EARS2: variants seen among roughly 807,000 people sequenced by gnomAD.
EARS2 encodes the protein glutamyl-tRNA synthetase 2, mitochondrial, also known as nondiscriminating glutamyl-tRNA synthetase EARS2, mitochondrial.
Under a neutral mutation model 54.1 loss-of-function variants are expected in EARS2, and 50 were observed. The ratio of observed to expected loss-of-function variants is 0.92; its 90% confidence interval spans 0.74 to 1.17. The LOEUF (loss-of-function observed/expected upper bound fraction) is 1.17, where lower values mean the gene tolerates loss of function less well. Ranked by LOEUF, EARS2 falls within the 50% of genes most tolerant of loss-of-function variation. The pLI is 0.00. For missense variants in EARS2, 673 were observed against 675.0 expected (o/e 1.00, Z 0.03); for synonymous variants, 298 against 281.0 (o/e 1.06, Z -0.61).
chr16:23,544,453 G>A (rs1485958483), intron 3 of EARS2, 61 bp downstream of exon 3: 3 of 1,516,050 alleles, frequency 2.0e-6, no homozygotes, highest in South Asian at 2.5e-5. Context: ...TTCTTACGCA[G>A]CACAAGGTAA....
At chr16:23,530,456 T>G (rs1171142001) in intron 5 of EARS2, among the ~76,000 whole-genome samples, 1 of 152,108 alleles carries the variant, frequency 6.6e-6, no homozygotes, top group East Asian at 1.9e-4. Context: ...CCTTTTATTT[T>G]TATTTATTTA....
chr16:23,546,542 CTA>C (rs1290831292), intron 2 of EARS2: 2 of 425,244 alleles, frequency 4.7e-6, no homozygotes, highest in Non-Finnish European at 4.7e-6. Flanking sequence ...CCGGTGCTCT[CTA>C]TGCTTTGGTA....
chr16:23,556,749 C>CT, intron 1 of EARS2: 2 of 383,476 alleles, frequency 5.2e-6, no homozygotes, highest in South Asian at 4.0e-5. Context: ...GTAAAGCCTT[C>CT]TGGAGCGTCC....
chr16:23,552,154 C>T lies in EARS2; in HGVS notation c.290G>A (p.Trp97Ter). 3.1e-6 allele frequency: 5 copies of T among 1,613,388 alleles called. No homozygotes were observed. The highest frequency in any genetic ancestry group is 4.2e-6 in the Non-Finnish European group (5 of 1,179,456). ...CCTTTCTCTGCCAGGCTTACCTGCC[C>T]ACTCCAGCATGTCCTCAATATTCTC... ...AAENIEDMLE[W>*]AGIPPDESPR... Residue 97 changes from tryptophan (W) to a stop codon, truncating the protein, a stop_gained, in exon 2 of 9, where the codon TGG (tryptophan) becomes TAG (stop). Coordinates refer to ENST00000449606, the MANE Select transcript of EARS2 (RefSeq NM_001083614.2). LOFTEE classifies it high-confidence loss of function.
rs536302020 is a variant in EARS2 at position 23,548,272 on chromosome 16, T to A, written c.296-3569A>T. Among the ~76,000 whole-genome samples the A allele has an allele frequency of 8.9e-5, 13 of 146,602 alleles. No individual in the cohort carries two copies. In the South Asian group the frequency reaches 2.1e-3, roughly 24 times the overall value. ...ATAAATAAATAAATAAATAAATAAATAAAATGAAAAAAATTAAAAAAGAAA... is the reference window on the plus strand; with the variant it reads ...ATAAATAAATAAATAAATAAATAAAAAAAATGAAAAAAATTAAAAAAGAAA... On this transcript the variant is annotated intron_variant, in intron 2 of 8. Transcript: ENST00000449606.
At chr16:23,547,518 T>C (rs934701635) in intron 2 of EARS2, among the ~76,000 whole-genome samples, 3 of 152,108 alleles carry the variant, frequency 2.0e-5, no homozygotes, top group Non-Finnish European at 2.9e-5. Flanking sequence ...CATTTTTTTT[T>C]CCCCGAAGAC....
chr16:23,521,837 TAGAAAC>T lies in EARS2; in HGVS notation c.*2528_*2533del. The T allele has an allele frequency of 2.2e-6, 1 of 455,938 alleles. No individual in the cohort carries two copies. Among genetic ancestry groups the T allele is most frequent in the Non-Finnish European group, 4.4e-6 (1 of 226,794 alleles). The allele number at this position is 455,938 out of a possible 1,614,324, so 28.2% of individuals were successfully genotyped here. ...CTCCTTTTAACCATTCTTAATGTCTTAGAAACAGATGCTCTGACAACACTCAGTAGA... is the reference window on the plus strand; with the variant it reads ...CTCCTTTTAACCATTCTTAATGTCTTAGATGCTCTGACAACACTCAGTAGA... On this transcript the variant is annotated 3_prime_UTR_variant, in exon 9 of 9. Transcript: ENST00000449606.
At chr16:23,542,393 C>A (rs574019459) in intron 3 of EARS2, among the ~76,000 whole-genome samples, 181 of 134,040 alleles carry the variant, frequency 1.4e-3, no homozygotes, top group African/African-American at 4.9e-3. Flanking sequence ...TCTTGGCTCA[C>A]TGCAACCTCC....
At position 23,536,485 on chromosome 16, in the gene EARS2, T is replaced by C. The variant is rs182876264; in HGVS notation, c.486-1125A>G. 3.9e-5 allele frequency among the ~76,000 whole-genome samples: 6 copies of C among 151,988 alleles called. No individual in the cohort carries two copies. The East Asian group carries it at 1.2e-3, about 30-fold the overall frequency. On this transcript the variant is annotated intron_variant, in intron 3 of 8. Coordinates refer to ENST00000449606, the MANE Select transcript of EARS2 (RefSeq NM_001083614.2). Reference sequence around the variant, plus strand: ...CAGCCTGGGCAACATAGTGAGACTCTGTCTCTACAAAACAAAACAAAACAA... The same window carrying C: ...CAGCCTGGGCAACATAGTGAGACTCCGTCTCTACAAAACAAAACAAAACAA...
chr16:23,557,076 C>G, intron 1 of EARS2, 129 bp downstream of exon 1: 1 of 1,374,064 alleles, frequency 7.3e-7, no homozygotes, highest in Non-Finnish European at 9.7e-7. Context: ...GTAAAATGGG[C>G]TCGCGCTGCC....
At chr16:23,556,139 C>T (rs1965777578) in intron 1 of EARS2, among the ~76,000 whole-genome samples, 1 of 152,196 alleles carries the variant, frequency 6.6e-6, no homozygotes, top group Non-Finnish European at 1.5e-5. Flanking sequence ...TGGGATTTTA[C>T]TACAAAGATC....
chr16:23,528,569 G>A (rs540409792), intron 7 of EARS2, among the ~76,000 whole-genome samples: 1 of 152,334 alleles, frequency 6.6e-6, no homozygotes, highest in South Asian at 2.1e-4. Context: ...TCATGGTGGA[G>A]ACAGGCAGTT....
At chr16:23,555,097 T>C (rs1274418000) in intron 1 of EARS2, among the ~76,000 whole-genome samples, 1 of 152,212 alleles carries the variant, frequency 6.6e-6, no homozygotes, top group African/African-American at 2.4e-5. Flanking sequence ...CCTTACTAAG[T>C]GGTTCGGCTG....
rs995912366 is a variant in EARS2, at chr16:23,524,156, C to G, written c.*215G>C. Reference sequence around the variant, plus strand: ...GACCCGGAGAATGCCTTTCCAGAGTCCAGGAGGTTAGATGGGTTGGGCTTC... The same window carrying G: ...GACCCGGAGAATGCCTTTCCAGAGTGCAGGAGGTTAGATGGGTTGGGCTTC... On this transcript the variant is annotated 3_prime_UTR_variant, in exon 9 of 9. Transcript: ENST00000449606. 5.0e-6 allele frequency: 3 copies of G among 596,010 alleles called. No individual in the cohort carries two copies. In the African/African-American group the frequency reaches 5.6e-5, roughly 11 times the overall value. 36.9% of individuals were successfully genotyped at this position (596,010 alleles called of 1,614,324 possible). A position where few individuals can be genotyped will look rare whatever the true frequency, so the allele number is the denominator to read the frequency against.
chr16:23,535,829 TC>T (rs1965408733), intron 3 of EARS2, among the ~76,000 whole-genome samples: 1 of 152,138 alleles, frequency 6.6e-6, no homozygotes, highest in Non-Finnish European at 1.5e-5. Flanking sequence ...TCTTAAAATT[TC>T]CCACTGCCCC....
At chr16:23,536,661 CA>C (rs999172537) in intron 3 of EARS2, among the ~76,000 whole-genome samples, 153 of 116,500 alleles carry the variant, frequency 1.3e-3, no homozygotes, top group South Asian at 7.0e-3. Flanking sequence ...GACCCTGTCT[CA>C]AAAAAAAAAC....
At chr16:23,552,467 G>C (rs1376081199) in intron 1 of EARS2, among the ~76,000 whole-genome samples, 163 bp from the exon 2 acceptor site, 1 of 152,148 alleles carries the variant, frequency 6.6e-6, no homozygotes, top group Non-Finnish European at 1.5e-5. Flanking sequence ...GGCCAAGGCC[G>C]GGGGGATCAC....
chr16:23,554,647 C>A (rs1427306410), intron 1 of EARS2, among the ~76,000 whole-genome samples: 1 of 152,136 alleles, frequency 6.6e-6, no homozygotes, highest in Non-Finnish European at 1.5e-5. Context: ...TGCAAGGACA[C>A]CAGAAAACCA....
chr16:23,541,290 G>A (rs1346273440), intron 3 of EARS2, among the ~76,000 whole-genome samples: 1 of 152,170 alleles, frequency 6.6e-6, no homozygotes, highest in African/African-American at 2.4e-5. Context: ...TCTTGCCACT[G>A]CACTCCAGCC....
Sources: gnomAD v4.1 joint callset for allele counts (sites outside exome capture counted in the v4.1 genomes callset) on GRCh38, gnomAD v4.1.1 for gene constraint, MANE v1.5 for transcripts, NCBI Gene and HGNC (gene_info 2026-07-23, HGNC 2026-07-21) for gene names.